The following SPATA13 variants were observed in gnomAD, a reference collection of about 807,000 sequenced individuals.
SPATA13 encodes spermatogenesis associated 13.
Under a neutral mutation model 104.0 loss-of-function variants are expected in SPATA13, and 50 were observed. The ratio of observed to expected loss-of-function variants is 0.48; its 90% CI spans 0.38 to 0.61. SPATA13 has a LOEUF of 0.61. Ranked by LOEUF, SPATA13 falls within the 20% of genes least tolerant of loss-of-function variation. The pLI is 0.00. For missense variants in SPATA13, 1,524 were observed against 1,690.6 expected, an observed-to-expected ratio of 0.90 and a Z score of 1.73; for synonymous variants, 606 against 667.5, an observed-to-expected ratio of 0.91 and a Z score of 1.42.
intron 3 of SPATA13, among the ~76,000 whole-genome samples, chr13:24,022,311 A>G (rs1231648322): frequency 6.6e-6 from 1 of 152,172 alleles, no homozygotes; most frequent in Non-Finnish European, 1.5e-5. Flanking sequence ...TGCTGGGATT[A>G]TAGGCGTGAG....
Position 24,294,734 on chromosome 13 carries a change from T to G in SPATA13, c.3081-5T>G. 6.3e-7 allele frequency: 1 copy of G among 1,580,626 alleles called. No homozygotes were observed. The highest frequency in any genetic ancestry group is 2.3e-5 in the East Asian group (1 of 44,098). On this transcript the variant is annotated splice_region_variant and splice_polypyrimidine_tract_variant and intron_variant, in intron 9 of 12. Coordinates refer to ENST00000382108, the MANE Select transcript of SPATA13 (RefSeq NM_001166271.3). ...TGTGATTAAAATTAACCTCCCATCTTGCAGTGATTACAGCAACATAAAGGC... is the reference window on the plus strand; with the variant it reads ...TGTGATTAAAATTAACCTCCCATCTGGCAGTGATTACAGCAACATAAAGGC...
chr13:23,995,082 A>T (rs73162127), intron 2 of SPATA13, among the ~76,000 whole-genome samples: 12,224 of 152,250 alleles, frequency 0.08, 534 homozygotes, highest in Non-Finnish European at 0.094. Flanking sequence ...CACCATACAC[A>T]GGACAGCCCC....
intron 2 of SPATA13, among the ~76,000 whole-genome samples, chr13:23,995,637 C>A (rs1292362260): frequency 6.6e-6 from 1 of 152,146 alleles, no homozygotes; most frequent in African/African-American, 2.4e-5. Flanking sequence ...TATCTATAAT[C>A]AAATCTAATT....
At chr13:24,231,588 A>C (rs1872276792) in intron 2 of SPATA13, among the ~76,000 whole-genome samples, 1 of 152,186 alleles carries the variant, frequency 6.6e-6, no homozygotes, top group Non-Finnish European at 1.5e-5. Context: ...CTTGGGTGGA[A>C]ATATGCTTCC....
intron 1 of SPATA13, among the ~76,000 whole-genome samples, chr13:24,209,845 G>T (rs1207678853): frequency 1.3e-5 from 2 of 152,168 alleles, no homozygotes; most frequent in Non-Finnish European, 2.9e-5. Context: ...CCTCCATGCT[G>T]TTTTCCACAG....
At chr13:24,261,873 A>G (rs1181894265) in intron 4 of SPATA13, among the ~76,000 whole-genome samples, 2 of 152,082 alleles carry the variant, frequency 1.3e-5, no homozygotes, top group Non-Finnish European at 2.9e-5. Context: ...TATTTTATCT[A>G]TTTTGCTTAA....
At chr13:24,017,793 G>A in intron 3 of SPATA13, 1 of 677,714 alleles carries the variant, frequency 1.5e-6, no homozygotes, top group Non-Finnish European at 1.8e-6. Context: ...TAATCTGTAT[G>A]TTAACTCCGT....
intron 3 of SPATA13, among the ~76,000 whole-genome samples, chr13:24,036,192 T>A (rs1223665086): frequency 6.6e-6 from 1 of 152,202 alleles, no homozygotes; most frequent in African/African-American, 2.4e-5. Flanking sequence ...TTCCATATTG[T>A]TATGAAAGTA....
Position 24,145,514 on chromosome 13 carries a change from G to C in SPATA13, c.-111-77305G>C, listed in dbSNP as rs139979347. Among the ~76,000 whole-genome samples, 117 of 152,320 alleles carry C rather than the reference G, an allele frequency of 7.7e-4. 1 individual carries two copies. In the East Asian group the frequency reaches 0.021, roughly 27 times the overall value. ...ACATAAACCGAGTGAGCTGGTAACA[G>C]ATGTAATGAAAGTACTCCAGGCCTC... is the stretch of plus-strand genomic sequence containing the variant. On this transcript the variant is annotated intron_variant, in intron 3 of 14. Coordinates refer to the SPATA13 transcript ENST00000424834.
intron 3 of SPATA13, among the ~76,000 whole-genome samples, chr13:24,018,302 G>A (rs1876807806): frequency 1.3e-5 from 2 of 152,092 alleles, no homozygotes; most frequent in African/African-American, 2.4e-5. Context: ...AGGTCAAAAT[G>A]TCTTTTTTGA....
intron 3 of SPATA13, among the ~76,000 whole-genome samples, chr13:24,062,709 T>C (rs548706718): frequency 2.6e-5 from 4 of 152,012 alleles, no homozygotes; most frequent in Non-Finnish European, 5.9e-5. Flanking sequence ...TAAGGGGTTG[T>C]GTGTGTGTAT....
intron 10 of SPATA13, 90 bp from the exon 11 acceptor site, chr13:24,297,273 C>G: frequency 2.7e-6 from 4 of 1,476,538 alleles, no homozygotes; most frequent in Non-Finnish European, 3.6e-6. Context: ...CTCTTGGCCT[C>G]AACGATCCTC....
At chr13:24,266,187 A>G (rs895404814) in intron 4 of SPATA13, among the ~76,000 whole-genome samples, 2 of 152,212 alleles carry the variant, frequency 1.3e-5, no homozygotes, top group African/African-American at 4.8e-5. Flanking sequence ...GTAAATATAT[A>G]TGGGTTTTGG....
intron 4 of SPATA13, among the ~76,000 whole-genome samples, chr13:24,261,500 C>G (rs1874061518): frequency 6.6e-6 from 1 of 152,120 alleles, no homozygotes; most frequent in Admixed American, 6.5e-5. Context: ...CAAAGTGGTT[C>G]TTAAAACTCT....
chr13:24,103,861 A>G (rs1243375146), intron 3 of SPATA13, among the ~76,000 whole-genome samples: 1 of 152,118 alleles, frequency 6.6e-6, no homozygotes, highest in Non-Finnish European at 1.5e-5. Context: ...TGGTGTCCAG[A>G]GCTGCCGTGC....
chr13:24,077,242 G>A (rs998171206), intron 3 of SPATA13, among the ~76,000 whole-genome samples: 6 of 124,312 alleles, frequency 4.8e-5, no homozygotes, highest in East Asian at 4.6e-4. Context: ...CAGTCCTGGC[G>A]ACAGAGCGAG....
At chr13:24,028,222 T>C (rs1309436283) in intron 3 of SPATA13, among the ~76,000 whole-genome samples, 1 of 152,234 alleles carries the variant, frequency 6.6e-6, no homozygotes. Flanking sequence ...ACCATTTTCT[T>C]TGCTCATCAT....
intron 4 of SPATA13, among the ~76,000 whole-genome samples, chr13:24,268,830 G>A (rs1874412744): frequency 7.2e-5 from 11 of 152,184 alleles, no homozygotes; most frequent in Admixed American, 7.2e-4. Flanking sequence ...GTGATCGTGT[G>A]TGTTTTTCAC....
intron 3 of SPATA13, among the ~76,000 whole-genome samples, chr13:24,117,416 T>C (rs1880881122): frequency 1.3e-5 from 2 of 152,312 alleles, no homozygotes; most frequent in South Asian, 4.1e-4. Flanking sequence ...TCAGGACTAT[T>C]ATGCCACTAC....
Sources: gnomAD v4.1 joint callset for allele counts (sites outside exome capture counted in the v4.1 genomes callset) on GRCh38, gnomAD v4.1.1 for gene constraint, MANE v1.5 for transcripts, NCBI Gene and HGNC (gene_info 2026-07-23, HGNC 2026-07-21) for gene names.